FARP2: variants seen among roughly 807,000 people sequenced by gnomAD.
The protein encoded by FARP2 is FERM, ARHGEF and pleckstrin domain-containing protein 2.
In FARP2, 111 loss-of-function variants were observed where a neutral mutation model predicts 130.5. That is an observed-to-expected ratio of 0.85 (90% CI 0.73 to 1.00). The LOEUF (loss-of-function observed/expected upper bound fraction) is 1.00. Ranked by LOEUF, FARP2 falls within the 50% of genes least tolerant of loss-of-function variation. The probability of loss-of-function intolerance (pLI) is 0.00; values close to 1 mark genes in which losing one functional copy is unlikely to be tolerated. For synonymous variants in FARP2, 504 were observed against 516.9 expected (o/e 0.98, Z 0.34); for missense variants, 1,385 against 1,346.3 (o/e 1.03, Z -0.45).
intron 24 of FARP2, 91 bp from the exon 25 acceptor site, chr2:241,492,838 C>A: frequency 1.4e-6 from 1 of 731,284 alleles, no homozygotes. Context: ...CTGGAGAAAG[C>A]ATGCAGAGGC....
chr2:241,405,390 T>G (rs2062306055), intron 4 of FARP2: 1 of 152,170 alleles, frequency 6.6e-6, no homozygotes, highest in Non-Finnish European at 1.5e-5. Context: ...CTTATTAAAT[T>G]TTTTAAACTA....
chr2:241,466,764 A>G (rs1047550050), intron 17 of FARP2: 2 of 209,982 alleles, frequency 9.5e-6, no homozygotes, highest in Non-Finnish European at 1.5e-5. Flanking sequence ...AACATTCCCC[A>G]CTCCCCTTTG....
chr2:241,431,671 C>A lies in FARP2; in HGVS notation c.772-8C>A. On this transcript the variant is annotated splice_polypyrimidine_tract_variant and splice_region_variant and intron_variant, in intron 8 of 26. Coordinates refer to ENST00000264042, the MANE Select transcript of FARP2 (RefSeq NM_014808.4). ...ACAAATGTAATCTGTCTGTCTCTTG[C>A]ATTTCAGGGCACCACCAAAATCAAC... The A allele has an allele frequency of 6.8e-7, 1 of 1,470,140 alleles. No individual in the cohort carries two copies. The highest frequency in any genetic ancestry group is 9.5e-7 in the Non-Finnish European group (1 of 1,055,306). 91.1% of individuals were successfully genotyped at this position (1,470,140 alleles called of 1,614,324 possible). A position where few individuals can be genotyped will look rare whatever the true frequency, so the allele number is the denominator to read the frequency against.
Position 241,401,486 on chromosome 2 carries a change from G to A in FARP2, c.184-2342G>A, listed in dbSNP as rs1055027502. The stretch of plus-strand genomic sequence containing the variant: ...TATGTGTTTTTAATAAAATGGAATC[G>A]TTTTATACATTGTATAGAAATGGAG... On this transcript the variant is annotated intron_variant, in intron 2 of 26. Transcript: ENST00000264042. Among the ~76,000 whole-genome samples the A allele has an allele frequency of 4.6e-5, 7 of 152,002 alleles. No homozygotes were observed. In the East Asian group the frequency reaches 5.8e-4, roughly 13 times the overall value.
chr2:241,414,469 C>T (rs767695940), intron 7 of FARP2, among the ~76,000 whole-genome samples: 84 of 152,260 alleles, frequency 5.5e-4, no homozygotes, highest in Non-Finnish European at 1.0e-3. Flanking sequence ...AAGGCTCTAC[C>T]GGGACCTGCT....
At chr2:241,479,089 C>T in intron 19 of FARP2, 1 of 476,192 alleles carries the variant, frequency 2.1e-6, no homozygotes. Context: ...AAGGAACCTG[C>T]TTTTGATCAT....
At chr2:241,460,546 G>A (rs1201123796) in intron 14 of FARP2, among the ~76,000 whole-genome samples, 1 of 152,044 alleles carries the variant, frequency 6.6e-6, no homozygotes, top group African/African-American at 2.4e-5. Flanking sequence ...CCAAAGTGCT[G>A]GAATTAGAGT....
At chr2:241,430,952 A>T (rs186739813) in intron 8 of FARP2, among the ~76,000 whole-genome samples, 126 of 151,916 alleles carry the variant, frequency 8.3e-4, no homozygotes, top group African/African-American at 2.9e-3. Context: ...GCGAATGGAG[A>T]TTGTACCACT....
chr2:241,484,744 T>C (rs1364820333), intron 21 of FARP2, among the ~76,000 whole-genome samples: 2 of 152,166 alleles, frequency 1.3e-5, no homozygotes, highest in African/African-American at 4.8e-5. Flanking sequence ...GGAAGAGAAA[T>C]TCCTCATTTT....
chr2:241,364,745 A>G (rs554422121), intron 1 of FARP2, among the ~76,000 whole-genome samples: 152 of 152,298 alleles, frequency 1.0e-3, no homozygotes, highest in African/African-American at 3.5e-3. Context: ...TCTTTAAATC[A>G]GTTTTTTGTT....
chr2:241,377,415 C>T (rs553716854), intron 2 of FARP2, among the ~76,000 whole-genome samples: 1 of 151,348 alleles, frequency 6.6e-6, no homozygotes, highest in African/African-American at 2.4e-5. Flanking sequence ...AATCTCGGCT[C>T]ACTGCAAGCT....
At chr2:241,407,375 C>T (rs188207056) in intron 4 of FARP2, among the ~76,000 whole-genome samples, 162 bp from the exon 5 acceptor site, 1 of 152,280 alleles carries the variant, frequency 6.6e-6, no homozygotes, top group East Asian at 1.9e-4. Flanking sequence ...TACAGGCACA[C>T]ACCACCACAC....
At chr2:241,480,304 C>T (rs147244483) in intron 19 of FARP2, among the ~76,000 whole-genome samples, 2 of 152,334 alleles carry the variant, frequency 1.3e-5, no homozygotes, top group Admixed American at 6.5e-5. Flanking sequence ...TTAGGACTTA[C>T]CACCTCCTCT....
chr2:241,479,233 G>C (rs1033095795), intron 19 of FARP2, among the ~76,000 whole-genome samples: 21 of 152,318 alleles, frequency 1.4e-4, no homozygotes, highest in African/African-American at 5.1e-4. Context: ...CTTGAGGGGG[G>C]CCAGAGACTG....
intron 18 of FARP2, among the ~76,000 whole-genome samples, chr2:241,473,508 G>T (rs2064371436): frequency 6.6e-6 from 1 of 152,200 alleles, no homozygotes. Flanking sequence ...TCATTATCGT[G>T]CCATCAGGTC....
At chr2:241,464,369 A>AGAGGGACCCCCTCAGAG (rs1271932273) in intron 17 of FARP2, among the ~76,000 whole-genome samples, 2 of 151,298 alleles carry the variant, frequency 1.3e-5, no homozygotes, top group African/African-American at 4.8e-5. Flanking sequence ...TCTCCTCAGA[A>AGAGGGACCCCCTCAGAG]CAGGGACCCC....
At chr2:241,476,964 C>T (rs1275843884) in intron 19 of FARP2, among the ~76,000 whole-genome samples, 1 of 152,032 alleles carries the variant, frequency 6.6e-6, no homozygotes, top group African/African-American at 2.4e-5. Flanking sequence ...TCTGTGGGGA[C>T]CTCGTTCTGC....
intron 2 of FARP2, among the ~76,000 whole-genome samples, chr2:241,389,986 C>T (rs1008857648): frequency 3.3e-5 from 5 of 152,288 alleles, no homozygotes; most frequent in South Asian, 4.1e-4. Context: ...CACCTCTGCT[C>T]TTCTAAGCCA....
chr2:241,453,416 A>G (rs888909754), intron 13 of FARP2, among the ~76,000 whole-genome samples: 8 of 151,284 alleles, frequency 5.3e-5, no homozygotes, highest in Non-Finnish European at 1.0e-4. Flanking sequence ...AGGTCAGGAG[A>G]TCGAGACCAT....
Sources: gnomAD v4.1 joint callset for allele counts (sites outside exome capture counted in the v4.1 genomes callset) on GRCh38, gnomAD v4.1.1 for gene constraint, MANE v1.5 for transcripts, NCBI Gene and HGNC (gene_info 2026-07-23, HGNC 2026-07-21) for gene names.